The following REPS2 variants were observed in gnomAD, a reference collection of about 807,000 sequenced individuals.
REPS2 encodes the protein ralBP1-associated Eps domain-containing protein 2.
A neutral mutation model predicts 53.6 loss-of-function variants in REPS2; 23 were observed. The ratio of observed to expected loss-of-function variants is 0.43; its 90% CI spans 0.31 to 0.61. The LOEUF is 0.61. Ranked by LOEUF, REPS2 falls within the 20% of genes least tolerant of loss-of-function variation. The pLI, the probability that REPS2 is intolerant of heterozygous loss-of-function variation, is 0.11. For missense variants in REPS2, 446 were observed against 534.9 expected, an observed-to-expected ratio of 0.83 and a Z score of 1.64; for synonymous variants, 238 against 218.6, an observed-to-expected ratio of 1.09 and a Z score of -0.78.
intron 4 of REPS2, 140 bp from the exon 5 acceptor site, chrX:17,029,386 G>T: frequency 4.7e-6 from 2 of 428,271 alleles, no homozygotes; most frequent in Non-Finnish European, 8.1e-6. Context: ...ATCAGGGGTT[G>T]TCAGTCCTAG....
At chrX:17,054,501 T>C (rs900069448) in intron 7 of REPS2, among the ~76,000 whole-genome samples, 1 of 112,521 alleles carries the variant, frequency 8.9e-6, no homozygotes, top group African/African-American at 3.2e-5. Context: ...TGTGGACTTC[T>C]GGGTATCATT....
At chrX:17,059,412 G>A (rs1323022805) in intron 8 of REPS2, among the ~76,000 whole-genome samples, 3 of 108,939 alleles carry the variant, frequency 2.8e-5, no homozygotes, top group Non-Finnish European at 5.7e-5. Context: ...TTGGTGAAGA[G>A]TATAAATTTG....
intron 1 of REPS2, among the ~76,000 whole-genome samples, chrX:16,965,634 C>T (rs777359161): frequency 4.5e-5 from 5 of 111,076 alleles, no homozygotes; most frequent in Admixed American, 9.4e-5. Context: ...GATGGGCGGC[C>T]GGGCAGAGAC....
chrX:17,191,299 A>G, the REPS2 span, among the ~76,000 whole-genome samples: 17 of 112,207 alleles, frequency 1.5e-4, no homozygotes, highest in Non-Finnish European at 3.2e-4. Flanking sequence ...ACATATCATC[A>G]AAGAAGATAT....
At chrX:17,177,280 T>C in the REPS2 span, among the ~76,000 whole-genome samples, 1 of 112,111 alleles carries the variant, frequency 8.9e-6, no homozygotes, top group Non-Finnish European at 1.9e-5. Flanking sequence ...TGCTCCCAAA[T>C]CCTTTCTCAT....
the REPS2 span, among the ~76,000 whole-genome samples, chrX:17,158,678 T>C: frequency 4.5e-4 from 51 of 112,220 alleles, no homozygotes; most frequent in African/African-American, 1.6e-3. Flanking sequence ...GTAGAACTTA[T>C]TTGCAATACA....
the REPS2 span, among the ~76,000 whole-genome samples, chrX:17,181,309 T>G: frequency 8.8e-6 from 1 of 113,034 alleles, no homozygotes; most frequent in African/African-American, 3.2e-5. Flanking sequence ...GGTCACAAAT[T>G]CTTCCCTTCC....
downstream of REPS2, among the ~76,000 whole-genome samples, chrX:17,157,660 C>G (rs1314191677): frequency 6.3e-5 from 7 of 111,793 alleles, no homozygotes; most frequent in Non-Finnish European, 1.1e-4. Context: ...AATGATCTGG[C>G]CCAAAATGTC....
At chrX:16,963,201 A>G (rs966310946) in intron 1 of REPS2, among the ~76,000 whole-genome samples, 3 of 112,296 alleles carry the variant, frequency 2.7e-5, no homozygotes, top group East Asian at 5.5e-4. Flanking sequence ...GCAGTGGTCA[A>G]TGGCCTAAGG....
chrX:17,118,332 T>C (rs2063092822), intron 14 of REPS2, among the ~76,000 whole-genome samples: 2 of 111,392 alleles, frequency 1.8e-5, no homozygotes, highest in Non-Finnish European at 3.8e-5. Context: ...TGCCTCTGTC[T>C]GCTTCTGCAC....
intron 14 of REPS2, 97 bp from the exon 15 acceptor site, chrX:17,133,727 G>A: frequency 1.3e-6 from 1 of 790,155 alleles, no homozygotes; most frequent in Middle Eastern, 3.4e-4. Context: ...GCCTAAATCA[G>A]TTTTCCCTTG....
At chrX:17,165,797 G>T in the REPS2 span, among the ~76,000 whole-genome samples, 2 of 111,073 alleles carry the variant, frequency 1.8e-5, no homozygotes, top group Non-Finnish European at 3.8e-5. Flanking sequence ...CTGTGTACTT[G>T]TTTGCTCATG....
At chrX:16,974,337 A>G (rs188917945) in intron 1 of REPS2, among the ~76,000 whole-genome samples, 2 of 111,335 alleles carry the variant, frequency 1.8e-5, no homozygotes, top group African/African-American at 3.3e-5. Flanking sequence ...AATTTATGAC[A>G]TTGTTTTGTA....
downstream of REPS2, among the ~76,000 whole-genome samples, chrX:17,153,595 G>A (rs976523731): frequency 8.9e-6 from 1 of 111,775 alleles, no homozygotes; most frequent in Non-Finnish European, 1.9e-5. Context: ...CCATCATGAT[G>A]TCCTTAGCTG....
chrX:17,114,874 A>G (rs2063025131), intron 14 of REPS2, among the ~76,000 whole-genome samples: 2 of 112,286 alleles, frequency 1.8e-5, no homozygotes, highest in Non-Finnish European at 3.8e-5. Context: ...TTTCCTCAGT[A>G]TTTTGAATGC....
chrX:17,043,928 G>C (rs188624606), intron 5 of REPS2, among the ~76,000 whole-genome samples: 40 of 112,295 alleles, frequency 3.6e-4, no homozygotes, highest in Non-Finnish European at 5.8e-4. Context: ...CTGGGAAGAA[G>C]ACAAACATCT....
chrX:17,168,974 C>T, the REPS2 span, among the ~76,000 whole-genome samples: 1 of 112,333 alleles, frequency 8.9e-6, no homozygotes, highest in Admixed American at 9.4e-5. Context: ...TCAGGTAGCT[C>T]AGTACCATTC....
At chrX:17,129,457 G>A (rs897682284) in intron 14 of REPS2, among the ~76,000 whole-genome samples, 1 of 111,345 alleles carries the variant, frequency 9.0e-6, no homozygotes, top group Non-Finnish European at 1.9e-5. Context: ...CCTAATGCCT[G>A]TGTTCCAGGT....
Position 17,077,269 on chromosome X carries a change from A to C in REPS2, c.1380-2A>C. On this transcript the variant is annotated splice_acceptor_variant, in intron 12 of 17. Coordinates refer to ENST00000357277, the MANE Select transcript of REPS2 (RefSeq NM_004726.3). LOFTEE classifies it high-confidence loss of function. ...TTCTGACCTTCCCTTATTTTGCTAC[A>C]GATCTTACTCTAGCACCTCCATAGA... is the stretch of plus-strand genomic sequence containing the variant. The C allele has an allele frequency of 8.5e-7, 1 of 1,173,057 alleles. No individual in the cohort carries two copies. The highest frequency in any genetic ancestry group is 1.1e-6 in the Non-Finnish European group (1 of 878,196).
Sources: allele counts gnomAD v4.1 joint callset (sites outside exome capture counted in the v4.1 genomes callset), GRCh38; gene constraint gnomAD v4.1.1; transcripts MANE v1.5; gene names NCBI Gene and HGNC (gene_info 2026-07-23, HGNC 2026-07-21).